SCN4A: variants seen among roughly 807,000 people sequenced by gnomAD.
SCN4A encodes the protein sodium voltage-gated channel alpha subunit 4.
Under a neutral mutation model 162.0 loss-of-function variants are expected in SCN4A, and 83 were observed. That is an observed-to-expected ratio of 0.51 (90% CI 0.43 to 0.61). SCN4A has a LOEUF of 0.61. Among genes scored for constraint, SCN4A ranks in the 20% least tolerant of loss-of-function variants. SCN4A has a pLI of 0.00. For synonymous variants in SCN4A, 944 were observed against 985.1 expected (o/e 0.96, Z 0.78); for missense variants, 2,196 against 2,462.5 (o/e 0.89, Z 2.29).
rs1242897456 is a variant in SCN4A, at chr17:63,939,038, C to T, written c.*1733G>A. The T allele has an allele frequency of 2.0e-5, 3 of 152,788 alleles. No individual in the cohort carries two copies. The highest frequency in any genetic ancestry group is 7.3e-5 in the African/African-American group (3 of 41,360). The allele number at this position is 152,788 out of a possible 1,614,324, so 9.5% of individuals were successfully genotyped here. A position where few individuals can be genotyped will look rare whatever the true frequency, so the allele number is the denominator to read the frequency against. Reference sequence around the variant, plus strand: ...GGAGCAGGTGAGAGAGCATGGTGGACAATAAAGACAACTCTGGCCCATAGG... The same window carrying T: ...GGAGCAGGTGAGAGAGCATGGTGGATAATAAAGACAACTCTGGCCCATAGG... On this transcript the variant is annotated 3_prime_UTR_variant, in exon 24 of 24. Coordinates refer to ENST00000435607, the MANE Select transcript of SCN4A (RefSeq NM_000334.4).
In SCN4A at chr17:63,972,626, CG is replaced by C; in HGVS notation, c.215del (p.Pro72ArgfsTer43). 3.1e-6 allele frequency: 5 copies of C among 1,608,318 alleles called. No individual in the cohort carries two copies. Among genetic ancestry groups the C allele is most frequent in the Non-Finnish European group, 3.4e-6 (4 of 1,177,314 alleles). On this transcript the variant is annotated frameshift_variant, in exon 1 of 24. Coordinates refer to ENST00000435607, the MANE Select transcript of SCN4A (RefSeq NM_000334.4). LOFTEE classifies it high-confidence loss of function. This position sits in a 1 kb window ranked among gnomAD's most constrained non-coding sequence, Gnocchi z 4.3. ...CCAGGGGGATGCCGATGACCTCCGG[CG>C]GGGGGTCTCCGTAGATCATGGGTAG... ...KNLPMIYGDP[P>X]PEVIGIPLED...
At chr17:63,957,769 C>T (rs571098035) in intron 12 of SCN4A, among the ~76,000 whole-genome samples, 7 of 151,952 alleles carry the variant, frequency 4.6e-5, no homozygotes, top group Non-Finnish European at 1.0e-4. Context: ...TTTGGGAAGC[C>T]GAGGCGGGTG....
Position 63,944,742 on chromosome 17 carries a change from A to G in SCN4A, c.3843T>C (p.Phe1281=). The change falls in exon 21 of 24, where the codon TTT becomes TTC. Residue 1281 remains phenylalanine (F), a synonymous_variant. Coordinates refer to ENST00000435607, the MANE Select transcript of SCN4A (RefSeq NM_000334.4). This position sits in a 1 kb window ranked among gnomAD's most constrained non-coding sequence, Gnocchi z 4.3. The part of the protein sequence containing the change: ...MYLYFVIFII[F]GSFFTLNLFI... ...AGAGGTTGAGGGTGAAGAAGGAGCC[A>G]AAGATGATGAAGATGACAAAGTAGA... The G allele has an allele frequency of 6.2e-7, 1 of 1,613,790 alleles. No homozygotes were observed. The highest frequency in any genetic ancestry group is 8.5e-7 in the Non-Finnish European group (1 of 1,179,826).
chr17:63,971,723 C>G lies in SCN4A; in HGVS notation c.610G>C (p.Ala204Pro). 1 of 1,593,478 alleles carries G rather than the reference C, an allele frequency of 6.3e-7. No homozygotes were observed. The highest frequency in any genetic ancestry group is 8.5e-7 in the Non-Finnish European group (1 of 1,170,272). ...NWLDFSVIMM[A>P]YLTEFVDLGN... is the part of the protein sequence containing the mutation. ...GGATGTCCTGGGGCCCCTGCTCACG[C>G]CATCATGATGACACTGAAGTCCAGC... The change falls in exon 4 of 24, where the codon GCG (alanine) becomes CCG (proline). Residue 204 changes from alanine to proline, a missense_variant and splice_region_variant. Coordinates refer to ENST00000435607, the MANE Select transcript of SCN4A (RefSeq NM_000334.4).
chr17:63,941,622 C>G lies in SCN4A; in HGVS notation c.4660G>C (p.Asp1554His). Residue 1554 changes from aspartate to histidine, a missense_variant, in exon 24 of 24, where the codon GAC becomes CAC. Transcript: ENST00000435607. This position sits in a 1 kb window ranked among gnomAD's most constrained non-coding sequence, Gnocchi z 6.2. ...PILNSGPPDCDPNLENPGTSV... is the reference protein window; with the variant it reads ...PILNSGPPDCHPNLENPGTSV... ...GTGCCCGGGTTCTCCAGGTTGGGGT[C>G]ACAGTCTGGGGGCCCGCTGTTGAGG... 1 of 1,614,006 alleles carries G rather than the reference C, an allele frequency of 6.2e-7. No individual in the cohort carries two copies. Among genetic ancestry groups the G allele is most frequent in the South Asian group, 1.1e-5 (1 of 91,078 alleles).
rs909303409 is a variant in SCN4A at position 63,940,490 on chromosome 17, C to T, written c.*281G>A. On this transcript the variant is annotated 3_prime_UTR_variant, in exon 24 of 24. Coordinates refer to ENST00000435607, the MANE Select transcript of SCN4A (RefSeq NM_000334.4). ...TCCCCCAGGCCAAAAGGAGGGGCGACAGGGCCCAGAGGAGGTCAGAGCAAC... is the reference window on the plus strand; with the variant it reads ...TCCCCCAGGCCAAAAGGAGGGGCGATAGGGCCCAGAGGAGGTCAGAGCAAC... The T allele has an allele frequency of 1.7e-5, 7 of 408,602 alleles. No homozygotes were observed. The highest frequency in any genetic ancestry group is 1.4e-4 in the African/African-American group (7 of 48,608). The allele number at this position is 408,602 out of a possible 1,614,324, so 25.3% of individuals were successfully genotyped here. A position where few individuals can be genotyped will look rare whatever the true frequency, so the allele number is the denominator to read the frequency against.
chr17:63,945,240 T>C lies in SCN4A; in HGVS notation c.3720+120A>G, dbSNP rs1401138451. On this transcript the variant is annotated intron_variant, in intron 19 of 23. Transcript: ENST00000435607. This position sits in a 1 kb window ranked among gnomAD's most constrained non-coding sequence, Gnocchi z 4.4. ...GACACTGCCTGGGGATCCCACAGCA[T>C]TGGAAGCAGGGTGGGCGGTCCCCTA... The C allele has an allele frequency of 3.9e-6, 4 of 1,025,978 alleles. No individual in the cohort carries two copies. In the South Asian group the frequency reaches 6.0e-5, roughly 15 times the overall value. 63.6% of individuals were successfully genotyped at this position (1,025,978 alleles called of 1,614,324 possible). A position where few individuals can be genotyped will look rare whatever the true frequency, so the allele number is the denominator to read the frequency against.
chr17:63,940,573 A>G lies in SCN4A; in HGVS notation c.*198T>C. ...GACCCAGCATGGAGCCCCTGAGCGC[A>G]ATTCCCATTTCCCATGGTCTGGGAA... On this transcript the variant is annotated 3_prime_UTR_variant, in exon 24 of 24. Transcript: ENST00000435607. The G allele has an allele frequency of 1.8e-6, 1 of 570,154 alleles. No individual in the cohort carries two copies. Among genetic ancestry groups the G allele is most frequent in the Non-Finnish European group, 2.9e-6 (1 of 343,580 alleles). 35.3% of individuals were successfully genotyped at this position (570,154 alleles called of 1,614,324 possible). A position where few individuals can be genotyped will look rare whatever the true frequency, so the allele number is the denominator to read the frequency against.
rs1908469857 is a variant in SCN4A at position 63,940,060 on chromosome 17, G to A, written c.*711C>T. ...ATCCTTCCTTCTGCTCTTCCCCTAG[G>A]AGCCAGCCAGGGGAGCTACGGACCT... On this transcript the variant is annotated 3_prime_UTR_variant, in exon 24 of 24. Transcript: ENST00000435607. The A allele has an allele frequency of 6.6e-6, 1 of 152,244 alleles. No individual in the cohort carries two copies. The highest frequency in any genetic ancestry group is 2.4e-5 in the African/African-American group (1 of 41,432). The allele number at this position is 152,244 out of a possible 1,614,324, so 9.4% of individuals were successfully genotyped here.
chr17:63,953,110 C>T (rs966120743), intron 13 of SCN4A, among the ~76,000 whole-genome samples: 2 of 152,200 alleles, frequency 1.3e-5, no homozygotes, highest in African/African-American at 4.8e-5. Flanking sequence ...CCTATAATCC[C>T]AGCACTTTGG....
chr17:63,959,913 G>T (rs1206380385), intron 11 of SCN4A, among the ~76,000 whole-genome samples: 1 of 152,184 alleles, frequency 6.6e-6, no homozygotes, highest in Non-Finnish European at 1.5e-5. Context: ...CTCAAGCCCA[G>T]TTCTCAGGTG....
At chr17:63,957,933 A>C (rs1045691844) in intron 12 of SCN4A, among the ~76,000 whole-genome samples, 8 of 147,956 alleles carry the variant, frequency 5.4e-5, no homozygotes, top group Non-Finnish European at 1.0e-4. Context: ...TCAACCAGGG[A>C]GGTGGAGCTT....
At chr17:63,947,020 C>T (rs763489216) in intron 18 of SCN4A, 25 bp downstream of exon 18, 83 of 1,562,424 alleles carry the variant, frequency 5.3e-5, no homozygotes, top group Middle Eastern at 1.8e-4. Flanking sequence ...CCCCAGCCCA[C>T]CCCAGAGGCC....
chr17:63,961,579 C>A, intron 10 of SCN4A, 148 bp from the exon 11 acceptor site: 1 of 631,786 alleles, frequency 1.6e-6, no homozygotes, highest in Non-Finnish European at 2.8e-6. Context: ...CAAGTTCCAC[C>A]GCCTCTTGCG....
rs376689238 is a variant in SCN4A, at chr17:63,941,455, G to A, written c.4827C>T (p.Ser1609=). The A allele has an allele frequency of 3.1e-6, 5 of 1,614,018 alleles. No homozygotes were observed. The highest frequency in any genetic ancestry group is 4.2e-6 in the Non-Finnish European group (5 of 1,180,034). ...CAAAGTCATCTTCACCAAGGGGCTC[G>A]CTGCTCTCCTCTGTGGCCACATTGA... ...ENFNVATEES[S]EPLGEDDFEM... The change falls in exon 24 of 24, where the codon AGC becomes AGT. Residue 1609 remains serine (S), a synonymous_variant. Transcript: ENST00000435607. The surrounding 1 kb of genome is among the most constrained non-coding windows in gnomAD (Gnocchi z 6.2).
rs77962116 is a variant in SCN4A at position 63,940,439 on chromosome 17, G to A, written c.*332C>T. 7.5e-3 allele frequency: 2,301 copies of A among 306,240 alleles called. 45 individuals are homozygous for A. Among genetic ancestry groups the A allele is most frequent in the African/African-American group, 0.047 (2,176 of 46,018 alleles). The allele number at this position is 306,240 out of a possible 1,614,324, so 19.0% of individuals were successfully genotyped here. On this transcript the variant is annotated 3_prime_UTR_variant, in exon 24 of 24. Transcript: ENST00000435607. ...CGCAGGCCAGCTCCTCCTCAAGTGA[G>A]GGGCAGAGATTCGAATGTTCTGACC... is the stretch of plus-strand genomic sequence containing the variant.
chr17:63,970,815 G>C (rs1191719629), intron 5 of SCN4A, among the ~76,000 whole-genome samples: 1 of 152,112 alleles, frequency 6.6e-6, no homozygotes, highest in Non-Finnish European at 1.5e-5. Flanking sequence ...TGTATTTTTA[G>C]TAGAGACAGG....
At chr17:63,962,041 C>T (rs1374101484) in intron 10 of SCN4A, among the ~76,000 whole-genome samples, 2 of 152,006 alleles carry the variant, frequency 1.3e-5, no homozygotes, top group Non-Finnish European at 2.9e-5. Flanking sequence ...TTCCCCAAGC[C>T]CCGCCTTTCA....
rs200922877 is a variant in SCN4A at position 63,959,447 on chromosome 17, T to A, written c.1846-9A>T. On this transcript the variant is annotated splice_polypyrimidine_tract_variant and intron_variant, in intron 11 of 23. Transcript: ENST00000435607. Reference sequence around the variant, plus strand: ...AAGATGCCTGTGAAGACCTAGGGGGTGGCATGAGGCCCTGTCACAGAGCCT... The same window carrying A: ...AAGATGCCTGTGAAGACCTAGGGGGAGGCATGAGGCCCTGTCACAGAGCCT... 6.2e-7 allele frequency: 1 copy of A among 1,612,080 alleles called. No individual in the cohort carries two copies. The highest frequency in any genetic ancestry group is 1.3e-5 in the African/African-American group (1 of 74,958).
Sources: allele counts gnomAD v4.1 joint callset (sites outside exome capture counted in the v4.1 genomes callset), GRCh38; gene constraint gnomAD v4.1.1; non-coding constraint Gnocchi (gnomAD v3.1); transcripts MANE v1.5; gene names NCBI Gene and HGNC (gene_info 2026-07-23, HGNC 2026-07-21).